The following GPR149 variants were observed in gnomAD, a reference collection of about 807,000 sequenced individuals.
GPR149 encodes the protein probable G protein-coupled receptor 149.
A neutral mutation model predicts 50.2 loss-of-function variants in GPR149; 50 were observed. That is an observed-to-expected ratio of 1.00 (90% CI 0.79 to 1.26). The LOEUF (loss-of-function observed/expected upper bound fraction) is 1.26, where lower values mean the gene tolerates loss of function less well. GPR149 is among the 50% of genes most tolerant of loss of function. GPR149 has a pLI of 0.00. For synonymous variants in GPR149, 405 were observed against 358.2 expected (o/e 1.13, Z -1.48); for missense variants, 983 against 895.4 (o/e 1.10, Z -1.25).
At chr3:154,424,573 G>A (rs923337587) in intron 2 of GPR149, among the ~76,000 whole-genome samples, 11 of 151,554 alleles carry the variant, frequency 7.3e-5, no homozygotes, top group Non-Finnish European at 1.2e-4. Context: ...TTTGTATTTC[G>A]TGTGTGTGTC....
At position 154,421,189 on chromosome 3, in the gene GPR149, C is replaced by T. The variant is rs115604788; in HGVS notation, c.1473G>A (p.Ala491=). 23,491 of 1,613,412 alleles carry T rather than the reference C, an allele frequency of 0.015. 253 individuals are homozygous for T. Among genetic ancestry groups the T allele is most frequent in the South Asian group, 0.032 (2,941 of 91,058 alleles). ...AKQDSNNKKD[A]FSDKTGGDIN... ...TATCACCTCCTGTTTTGTCAGAAAA[C>T]GCATCCTTTTTGTTGTTGGAATCCT... is the stretch of plus-strand genomic sequence containing the variant. Residue 491 remains alanine (A), a synonymous_variant, in exon 3 of 4, where the codon GCG becomes GCA. Transcript: ENST00000389740.
At chr3:154,338,347 A>G (rs1290806295) in intron 3 of GPR149, 76 bp from the exon 4 acceptor site, 3 of 1,181,916 alleles carry the variant, frequency 2.5e-6, no homozygotes, top group African/African-American at 1.5e-5. Flanking sequence ...CATTTTGTTC[A>G]TCAGAATGAT....
At chr3:154,400,520 T>C (rs1711527943) in intron 3 of GPR149, among the ~76,000 whole-genome samples, 2 of 152,200 alleles carry the variant, frequency 1.3e-5, no homozygotes, top group Admixed American at 6.5e-5. Flanking sequence ...AGGAGCTTTA[T>C]ATGCAAAGAA....
At chr3:154,400,153 A>C (rs1711514399) in intron 3 of GPR149, among the ~76,000 whole-genome samples, 1 of 150,776 alleles carries the variant, frequency 6.6e-6, no homozygotes, top group Admixed American at 6.6e-5. Flanking sequence ...CGCCCGGCTA[A>C]TTTTCTGTAT....
chr3:154,419,579 T>TA (rs1180672002), intron 3 of GPR149, among the ~76,000 whole-genome samples: 3 of 152,082 alleles, frequency 2.0e-5, no homozygotes, highest in Non-Finnish European at 2.9e-5. Flanking sequence ...TACATACATT[T>TA]GTGATAGAAG....
At chr3:154,353,927 T>G in intron 3 of GPR149, 1 of 519,452 alleles carries the variant, frequency 1.9e-6, no homozygotes, top group Non-Finnish European at 3.6e-6. Flanking sequence ...GAAAGCTCTT[T>G]CTTTCTGTTC....
chr3:154,367,203 G>A lies in GPR149; in HGVS notation c.1624-28932C>T, dbSNP rs368411973. Among the ~76,000 whole-genome samples, 9 of 152,272 alleles carry A rather than the reference G, an allele frequency of 5.9e-5. No individual in the cohort carries two copies. In the East Asian group the frequency reaches 1.2e-3, roughly 20 times the overall value. On this transcript the variant is annotated intron_variant, in intron 3 of 3. Coordinates refer to ENST00000389740, the MANE Select transcript of GPR149 (RefSeq NM_001038705.3). ...ATCAGGACTTATTTTGGTCTTGGAT[G>A]AATAATATTGAAGATATATGCTGAA... is the stretch of plus-strand genomic sequence containing the variant.
rs757829466 is a variant in GPR149 at position 154,429,330 on chromosome 3, C to T, written c.286G>A (p.Glu96Lys). The stretch of plus-strand genomic sequence containing the variant: ...AGAAATTGGAAGTAACCGGGGACCT[C>T]GTTTGGCCACTGCAAAAACATGAAG... ...TIFMFLQWPN[E>K]VPGYFQFLCT... Residue 96 changes from glutamate to lysine, a missense_variant, in exon 1 of 4, where the codon GAG becomes AAG. Physicochemically the swap from Glu to Lys is moderately conservative, Grantham distance 56 (BLOSUM62 1). Transcript: ENST00000389740. The T allele has an allele frequency of 1.9e-6, 3 of 1,614,164 alleles. No individual in the cohort carries two copies. The highest frequency in any genetic ancestry group is 2.5e-6 in the Non-Finnish European group (3 of 1,180,026).
chr3:154,378,820 C>G (rs1251765682), intron 3 of GPR149, among the ~76,000 whole-genome samples: 1 of 152,074 alleles, frequency 6.6e-6, no homozygotes, highest in Non-Finnish European at 1.5e-5. Context: ...TTTTGAGGAT[C>G]TTTTTATGTG....
intron 2 of GPR149, among the ~76,000 whole-genome samples, chr3:154,423,275 A>G (rs1712197368): frequency 6.6e-6 from 1 of 151,882 alleles, no homozygotes; most frequent in Admixed American, 6.6e-5. Flanking sequence ...TAAAAAACGT[A>G]TTGATTCTAT....
intron 3 of GPR149, among the ~76,000 whole-genome samples, chr3:154,360,252 A>G (rs1714347698): frequency 6.6e-6 from 1 of 152,194 alleles, no homozygotes; most frequent in African/African-American, 2.4e-5. Flanking sequence ...GTATGGCCCA[A>G]GCTATTTTAA....
intron 3 of GPR149, among the ~76,000 whole-genome samples, chr3:154,396,095 C>G (rs1226710590): frequency 6.6e-6 from 1 of 152,072 alleles, no homozygotes; most frequent in Non-Finnish European, 1.5e-5. Flanking sequence ...TGAATTTTAA[C>G]TTATAAATCA....
rs575994694 is a variant in GPR149, at chr3:154,358,419, C to T, written c.1624-20148G>A. ...AGCCTCAATGAAATCACTTTTTTTC[C>T]TTGAAAAATATCTAAGTATAAAAGC... is the stretch of plus-strand genomic sequence containing the variant. On this transcript the variant is annotated intron_variant, in intron 3 of 3. Coordinates refer to ENST00000389740, the MANE Select transcript of GPR149 (RefSeq NM_001038705.3). 2.8e-3 allele frequency among the ~76,000 whole-genome samples: 426 copies of T among 151,862 alleles called. 2 individuals are homozygous for T. The highest frequency in any genetic ancestry group is 7.0e-3 in the African/African-American group (289 of 41,430).
intron 3 of GPR149, among the ~76,000 whole-genome samples, chr3:154,387,002 C>T (rs545193131): frequency 4.0e-5 from 6 of 151,740 alleles, no homozygotes; most frequent in Non-Finnish European, 7.4e-5. Flanking sequence ...GGGAAATAGC[C>T]GAGAGAATCT....
chr3:154,378,329 A>T lies in GPR149; in HGVS notation c.1624-40058T>A, dbSNP rs1250126041. 3.3e-5 allele frequency among the ~76,000 whole-genome samples: 5 copies of T among 152,122 alleles called. No individual in the cohort carries two copies. The South Asian group carries it at 8.3e-4, about 25-fold the overall frequency. On this transcript the variant is annotated intron_variant, in intron 3 of 3. Coordinates refer to ENST00000389740, the MANE Select transcript of GPR149 (RefSeq NM_001038705.3). ...GGCTGGTTTTGAACTCCTGGCCTCA[A>T]GTGATCTGCCCACCTTGGGCTCCCA... is the stretch of plus-strand genomic sequence containing the variant.
intron 3 of GPR149, 65 bp downstream of exon 3, chr3:154,420,974 G>T: frequency 1.7e-6 from 2 of 1,172,312 alleles, no homozygotes. Flanking sequence ...AACTGATAAT[G>T]TTTTTCATGA....
At chr3:154,422,421 C>A (rs1465380121) in intron 2 of GPR149, among the ~76,000 whole-genome samples, 2 of 151,586 alleles carry the variant, frequency 1.3e-5, no homozygotes, top group African/African-American at 4.8e-5. Flanking sequence ...TTTTTGCTTT[C>A]ATCTGTCAAA....
intron 3 of GPR149, among the ~76,000 whole-genome samples, chr3:154,410,428 A>G (rs1213931168): frequency 6.6e-6 from 1 of 152,194 alleles, no homozygotes; most frequent in Non-Finnish European, 1.5e-5. Flanking sequence ...CACTTAAAAG[A>G]TACAGAATGG....
At chr3:154,411,604 A>G (rs772606363) in intron 3 of GPR149, among the ~76,000 whole-genome samples, 10 of 152,166 alleles carry the variant, frequency 6.6e-5, no homozygotes, top group Non-Finnish European at 1.2e-4. Context: ...CCTAGAGGAG[A>G]TGAATAAATT....
Sources: allele counts gnomAD v4.1 joint callset (sites outside exome capture counted in the v4.1 genomes callset), GRCh38; gene constraint gnomAD v4.1.1; transcripts MANE v1.5; gene names NCBI Gene and HGNC (gene_info 2026-07-23, HGNC 2026-07-21).